WASHC3: variants seen among roughly 807,000 people sequenced by gnomAD.
WASHC3 encodes WASH complex subunit CCDC53.
Under a neutral mutation model 26.1 loss-of-function variants are expected in WASHC3, and 24 were observed. The ratio of observed to expected loss-of-function variants is 0.92; its 90% CI spans 0.66 to 1.29. The LOEUF is 1.29. WASHC3 is among the 50% of genes most tolerant of loss of function. The pLI is 0.00. For synonymous variants in WASHC3, 77 were observed against 75.7 expected (o/e 1.02, Z -0.09); for missense variants, 214 against 229.6 (o/e 0.93, Z 0.44).
chr12:102,033,371 C>T (rs1158943603), intron 5 of WASHC3, among the ~76,000 whole-genome samples: 2 of 151,914 alleles, frequency 1.3e-5, no homozygotes, highest in Admixed American at 1.3e-4. Flanking sequence ...TTACAGAAGA[C>T]AAAAATCGTT....
chr12:102,017,863 G>A (rs1304463688), intron 6 of WASHC3: 3 of 391,312 alleles, frequency 7.7e-6, no homozygotes, highest in East Asian at 7.8e-5. Context: ...TTAAGTATAC[G>A]GTAGTGTTTA....
At chr12:102,021,491 ATC>A (rs1250658415) in intron 6 of WASHC3, among the ~76,000 whole-genome samples, 3 of 152,156 alleles carry the variant, frequency 2.0e-5, no homozygotes, top group Admixed American at 6.6e-5. Context: ...TATATCTATT[ATC>A]TCTCTCATTC....
intron 6 of WASHC3, 32 bp from the exon 7 acceptor site, chr12:102,013,224 C>T: frequency 8.9e-7 from 1 of 1,126,348 alleles, no homozygotes; most frequent in Non-Finnish European, 1.3e-6. Flanking sequence ...TTTCAAAGGT[C>T]TTTTCCAATT....
At chr12:102,051,332 A>AAAT (rs1417523800) in intron 2 of WASHC3, among the ~76,000 whole-genome samples, 1 of 152,250 alleles carries the variant, frequency 6.6e-6, no homozygotes, top group Non-Finnish European at 1.5e-5. Context: ...GGCTTTAAAT[A>AAAT]AATAAGGACT....
intron 3 of WASHC3, 62 bp downstream of exon 3, chr12:102,045,992 G>T: frequency 1.1e-6 from 1 of 901,120 alleles, no homozygotes; most frequent in Non-Finnish European, 1.7e-6. Flanking sequence ...AATTAAGTAT[G>T]ATTAAGAAAG....
chr12:102,022,934 G>T (rs1018933357), intron 6 of WASHC3, among the ~76,000 whole-genome samples: 3 of 151,364 alleles, frequency 2.0e-5, no homozygotes, highest in Non-Finnish European at 2.9e-5. Flanking sequence ...GAGTATTTTG[G>T]TGACAAATAT....
At chr12:102,052,547 G>A (rs1878433092) in intron 2 of WASHC3, among the ~76,000 whole-genome samples, 1 of 151,854 alleles carries the variant, frequency 6.6e-6, no homozygotes, top group Admixed American at 6.6e-5. Context: ...CTGCTCTAGG[G>A]ACAGGCCAGC....
intron 5 of WASHC3, among the ~76,000 whole-genome samples, chr12:102,037,896 A>G (rs1877741752): frequency 6.6e-6 from 1 of 152,012 alleles, no homozygotes; most frequent in African/African-American, 2.4e-5. Context: ...CCTGGGTTCA[A>G]GCGATTCTCC....
intron 3 of WASHC3, among the ~76,000 whole-genome samples, chr12:102,045,059 T>C (rs1033045367): frequency 3.9e-5 from 6 of 152,010 alleles, no homozygotes; most frequent in Non-Finnish European, 8.8e-5. Flanking sequence ...ATAAGACACA[T>C]ATTCACATTA....
At chr12:102,031,760 G>T (rs1243469272) in intron 5 of WASHC3, among the ~76,000 whole-genome samples, 1 of 151,952 alleles carries the variant, frequency 6.6e-6, no homozygotes. Context: ...TATTATAAAA[G>T]AAATGAAATA....
At chr12:102,025,367 A>G (rs1201366271) in intron 6 of WASHC3, among the ~76,000 whole-genome samples, 1 of 151,612 alleles carries the variant, frequency 6.6e-6, no homozygotes. Context: ...CTGAGCCACA[A>G]TTTTTTTTTA....
chr12:102,055,985 G>A (rs1878579104), intron 2 of WASHC3, among the ~76,000 whole-genome samples: 1 of 152,144 alleles, frequency 6.6e-6, no homozygotes, highest in Non-Finnish European at 1.5e-5. Flanking sequence ...ACAAAGACAT[G>A]ACCTACAGTA....
chr12:102,043,829 A>G (rs1878044419), intron 4 of WASHC3: 1 of 171,568 alleles, frequency 5.8e-6, no homozygotes, highest in Non-Finnish European at 1.2e-5. Context: ...AACCTAGAAA[A>G]ATTTCTAATT....
intron 5 of WASHC3, among the ~76,000 whole-genome samples, chr12:102,033,517 T>C (rs553674035): frequency 6.6e-6 from 1 of 152,196 alleles, no homozygotes; most frequent in East Asian, 1.9e-4. Flanking sequence ...GTATTAAGAC[T>C]CTTCTTATGG....
intron 2 of WASHC3, among the ~76,000 whole-genome samples, chr12:102,056,411 A>C (rs969393004): frequency 6.6e-6 from 1 of 152,222 alleles, no homozygotes; most frequent in Non-Finnish European, 1.5e-5. Flanking sequence ...AGAACAATGC[A>C]TTCCTAGGGA....
In WASHC3 at chr12:102,044,120, A is replaced by G. The variant is rs777400483; in HGVS notation, c.309T>C (p.Thr103=). Residue 103 remains threonine, a synonymous_variant, in exon 4 of 7, where the codon ACT becomes ACC. Transcript: ENST00000240079. ...SVTNGAHPEA[T]SEQPQQNSTQ... is the part of the protein sequence containing the mutation. ...ACTCACTTACCTGTGGTTGCTCTGA[A>G]GTGGCTTCAGGATGTGCTCCATTTG... 2 of 1,599,042 alleles carry G rather than the reference A, an allele frequency of 1.3e-6. No individual in the cohort carries two copies. Among genetic ancestry groups the G allele is most frequent in the Admixed American group, 3.4e-5 (2 of 59,078 alleles).
intron 2 of WASHC3, among the ~76,000 whole-genome samples, chr12:102,060,523 T>C (rs1296347315): frequency 6.6e-6 from 1 of 152,216 alleles, no homozygotes; most frequent in Admixed American, 6.5e-5. Context: ...TCTATAATCA[T>C]ATTTGATGCC....
chr12:102,039,197 A>T (rs541432629), intron 5 of WASHC3, among the ~76,000 whole-genome samples: 2 of 149,716 alleles, frequency 1.3e-5, no homozygotes, highest in South Asian at 4.3e-4. Context: ...GCTGGTCTCA[A>T]ACTCCTGTCT....
chr12:102,026,907 C>T (rs1340140471), intron 5 of WASHC3, among the ~76,000 whole-genome samples: 2 of 152,124 alleles, frequency 1.3e-5, no homozygotes, highest in African/African-American at 2.4e-5. Context: ...TGGCATGGGA[C>T]CCTCCCTCTC....
Sources: gnomAD v4.1 joint callset for allele counts (sites outside exome capture counted in the v4.1 genomes callset) on GRCh38, gnomAD v4.1.1 for gene constraint, MANE v1.5 for transcripts, NCBI Gene and HGNC (gene_info 2026-07-23, HGNC 2026-07-21) for gene names.